Variants in MARCHF1 observed in about 807,000 individuals in gnomAD.
The protein encoded by MARCHF1 is E3 ubiquitin-protein ligase MARCHF1.
Under a neutral mutation model 54.2 loss-of-function variants are expected in MARCHF1, and 40 were observed. The observed-to-expected ratio is 0.74, with a 90% CI of 0.57 to 0.96. The LOEUF is 0.96. MARCHF1 is among the 40% of genes least tolerant of loss of function. The probability of loss-of-function intolerance (pLI) is 0.00; values close to 1 mark genes in which losing one functional copy is unlikely to be tolerated. For missense variants in MARCHF1, 586 were observed against 656.5 expected (o/e 0.89, Z 1.17); for synonymous variants, 236 against 236.3 (o/e 1.00, Z 0.01).
At chr4:163,900,139 C>T (rs548101452) in intron 3 of MARCHF1, among the ~76,000 whole-genome samples, 62 of 152,092 alleles carry the variant, frequency 4.1e-4, no homozygotes, top group Non-Finnish European at 7.5e-4. Flanking sequence ...TATTGTTTAT[C>T]CATTCTCACT....
At chr4:163,709,818 A>G (rs17044052) in intron 4 of MARCHF1, among the ~76,000 whole-genome samples, 6,985 of 152,290 alleles carry the variant, frequency 0.046, 203 homozygotes, top group African/African-American at 0.085. Flanking sequence ...CAAAATGCGT[A>G]TAAAGACCCT....
At chr4:164,336,703 A>C (rs997509256) in intron 1 of MARCHF1, among the ~76,000 whole-genome samples, 1 of 152,146 alleles carries the variant, frequency 6.6e-6, no homozygotes, top group Non-Finnish European at 1.5e-5. Flanking sequence ...GGCAGGCAAC[A>C]ATTCAAAGGT....
At chr4:163,735,251 A>T (rs1037543227) in intron 4 of MARCHF1, among the ~76,000 whole-genome samples, 2 of 152,032 alleles carry the variant, frequency 1.3e-5, no homozygotes, top group African/African-American at 4.8e-5. Context: ...ATCTCCCTGG[A>T]TCTTATCACC....
At chr4:164,050,803 C>T (rs1055934851) in intron 2 of MARCHF1, among the ~76,000 whole-genome samples, 2 of 152,034 alleles carry the variant, frequency 1.3e-5, no homozygotes, top group Non-Finnish European at 2.9e-5. Context: ...CGTGGTGGTG[C>T]ATGCCTGTAA....
chr4:163,586,558 T>C (rs1740420228), intron 7 of MARCHF1, among the ~76,000 whole-genome samples: 1 of 152,204 alleles, frequency 6.6e-6, no homozygotes, highest in South Asian at 2.1e-4. Flanking sequence ...ACTCAAATCA[T>C]GTAATAAGTT....
intron 2 of MARCHF1, among the ~76,000 whole-genome samples, chr4:164,011,683 A>T (rs1363814054): frequency 6.6e-6 from 1 of 152,230 alleles, no homozygotes; most frequent in East Asian, 1.9e-4. Flanking sequence ...GAGAATGTAA[A>T]TTAGTACAGC....
intron 3 of MARCHF1, among the ~76,000 whole-genome samples, chr4:163,945,322 G>A (rs1465194543): frequency 1.3e-5 from 2 of 152,056 alleles, no homozygotes; most frequent in African/African-American, 4.8e-5. Context: ...ATACTACAAG[G>A]AGAAAATAAG....
chr4:163,929,563 A>G (rs1047639779), intron 3 of MARCHF1, among the ~76,000 whole-genome samples: 1 of 151,912 alleles, frequency 6.6e-6, no homozygotes, highest in African/African-American at 2.4e-5. Flanking sequence ...TCATCAGAAC[A>G]CTGCTTAAAA....
intron 1 of MARCHF1, among the ~76,000 whole-genome samples, chr4:164,213,394 C>T (rs1482332353): frequency 6.6e-6 from 1 of 151,646 alleles, no homozygotes; most frequent in Non-Finnish European, 1.5e-5. Context: ...CCACCATGCC[C>T]GGCTAAATTT....
At chr4:163,590,134 T>C (rs1740541226) in intron 7 of MARCHF1, among the ~76,000 whole-genome samples, 1 of 151,622 alleles carries the variant, frequency 6.6e-6, no homozygotes, top group Non-Finnish European at 1.5e-5. Flanking sequence ...AGGGGTCTTT[T>C]TTGGGTCTTA....
At chr4:163,784,493 T>C (rs1200001609) in intron 4 of MARCHF1, among the ~76,000 whole-genome samples, 1 of 152,210 alleles carries the variant, frequency 6.6e-6, no homozygotes, top group African/African-American at 2.4e-5. Flanking sequence ...TGAGGAATCC[T>C]ATGTTGATTG....
intron 5 of MARCHF1, among the ~76,000 whole-genome samples, chr4:163,647,072 T>A (rs115845368): frequency 6.6e-6 from 1 of 152,040 alleles, no homozygotes; most frequent in South Asian, 2.1e-4. Context: ...GGAAAAGATA[T>A]TCCATGCAAA....
At chr4:163,994,782 CACACACACACACAA>C (rs1753040035) in intron 2 of MARCHF1, among the ~76,000 whole-genome samples, 1 of 51,084 alleles carries the variant, frequency 2.0e-5, no homozygotes, top group South Asian at 1.4e-3. Flanking sequence ...CACACACACA[CACACACACACACAA>C]AACAAATGCA....
At chr4:163,803,812 T>C (rs1176214451) in intron 4 of MARCHF1, among the ~76,000 whole-genome samples, 1 of 152,202 alleles carries the variant, frequency 6.6e-6, no homozygotes, top group African/African-American at 2.4e-5. Context: ...AAAATATTTC[T>C]ATATCGGTAT....
intron 1 of MARCHF1, among the ~76,000 whole-genome samples, chr4:164,236,471 G>T (rs1293855783): frequency 1.3e-5 from 2 of 151,998 alleles, no homozygotes; most frequent in African/African-American, 4.8e-5. Context: ...CTACGATGGG[G>T]CCATTTTAAA....
chr4:164,365,798 A>G (rs1351237541), intron 1 of MARCHF1, among the ~76,000 whole-genome samples: 1 of 152,042 alleles, frequency 6.6e-6, no homozygotes, highest in African/African-American at 2.4e-5. Flanking sequence ...GGTCTCATTA[A>G]CTAGGGAAAA....
At chr4:163,733,618 A>G (rs1295952398) in intron 4 of MARCHF1, among the ~76,000 whole-genome samples, 1 of 151,642 alleles carries the variant, frequency 6.6e-6, no homozygotes, top group East Asian at 1.9e-4. Flanking sequence ...CCCCTACCCC[A>G]CAACAGTCCC....
chr4:163,866,753 A>G (rs1382499450), intron 3 of MARCHF1, among the ~76,000 whole-genome samples: 3 of 151,644 alleles, frequency 2.0e-5, no homozygotes, highest in African/African-American at 7.2e-5. Flanking sequence ...ATTCACTTAG[A>G]CCAATTCATA....
chr4:164,326,995 GTGTGTA>G (rs937955206), intron 1 of MARCHF1, among the ~76,000 whole-genome samples: 12 of 149,516 alleles, frequency 8.0e-5, no homozygotes, highest in African/African-American at 3.0e-4. Context: ...GTGTGTGTGT[GTGTGTA>G]TGACTTAGAA....
Sources: gnomAD v4.1 joint callset for allele counts (sites outside exome capture counted in the v4.1 genomes callset) on GRCh38, gnomAD v4.1.1 for gene constraint, MANE v1.5 for transcripts, NCBI Gene and HGNC (gene_info 2026-07-23, HGNC 2026-07-21) for gene names.